CCDC88C: variants seen among roughly 807,000 people sequenced by gnomAD.
The protein encoded by CCDC88C is protein Daple.
In CCDC88C, 131 loss-of-function variants were observed where a neutral mutation model predicts 198.8. That is an observed-to-expected ratio of 0.66 (90% confidence interval 0.57 to 0.76). The LOEUF (loss-of-function observed/expected upper bound fraction) is 0.76. CCDC88C is among the 30% of genes least tolerant of loss of function. CCDC88C has a pLI of 0.00. For missense variants in CCDC88C, 2,553 were observed against 2,631.6 expected, an observed-to-expected ratio of 0.97 and a Z score of 0.65; for synonymous variants, 1,166 against 1,114.7, an observed-to-expected ratio of 1.05 and a Z score of -0.92.
chr14:91,307,320 T>TCCACACTCC, intron 17 of CCDC88C, 94 bp from the exon 18 acceptor site: 1 of 1,081,384 alleles, frequency 9.2e-7, no homozygotes, highest in East Asian at 2.4e-5. Flanking sequence ...CACCACACCC[T>TCCACACTCC]CCACACTCCC....
chr14:91,272,944 T>C lies in CCDC88C; in HGVS notation c.5768A>G (p.Asn1923Ser), dbSNP rs778361328. 3.5e-5 allele frequency: 55 copies of C among 1,562,108 alleles called. No individual in the cohort carries two copies. In the Admixed American group the frequency reaches 1.0e-3, roughly 29 times the overall value. Residue 1923 changes from asparagine to serine, a missense_variant, in exon 30 of 30, where the codon AAC (asparagine) becomes AGC (serine). By Grantham distance (46) the Asn-to-Ser change is conservative. Around this residue, in one of 2 missense-constraint regions of CCDC88C, gnomAD observed 1,293 missense variants for 1,219.6 expected, o/e 1.06. Coordinates refer to ENST00000389857, the MANE Select transcript of CCDC88C (RefSeq NM_001080414.4). ...AGAAAAGSGS[N>S]SQLLHFSPAA... Reference sequence around the variant, plus strand: ...AGGTGAGAAGTGCAGGAGCTGGGAGTTGCTGCCACTGCCAGCAGCAGCAGC... The same window carrying C: ...AGGTGAGAAGTGCAGGAGCTGGGAGCTGCTGCCACTGCCAGCAGCAGCAGC...
chr14:91,365,039 G>A (rs1894469298), intron 3 of CCDC88C, among the ~76,000 whole-genome samples: 1 of 152,090 alleles, frequency 6.6e-6, no homozygotes, highest in African/African-American at 2.4e-5. Flanking sequence ...TGGGTGGTGG[G>A]GCCACTGCAA....
At chr14:91,332,855 A>G (rs553034636) in intron 10 of CCDC88C, among the ~76,000 whole-genome samples, 22 of 152,268 alleles carry the variant, frequency 1.4e-4, no homozygotes, top group Non-Finnish European at 2.8e-4. Flanking sequence ...GGCTCTGTGT[A>G]CAAGCAGTCA....
chr14:91,356,051 C>T (rs1392646778), intron 4 of CCDC88C, among the ~76,000 whole-genome samples: 4 of 152,226 alleles, frequency 2.6e-5, no homozygotes, highest in Admixed American at 6.5e-5. Context: ...AAAGCACACA[C>T]ATGCCCCACC....
rs771813531 is a variant in CCDC88C, at chr14:91,324,732, G to A, written c.1342+47C>T. On this transcript the variant is annotated intron_variant, in intron 12 of 29. Coordinates refer to ENST00000389857, the MANE Select transcript of CCDC88C (RefSeq NM_001080414.4). ...CCCAGGACTCAGCTCCCTGGAGGCA[G>A]CGGCGGCCACGGCCAGGCTGGCTCC... 5 of 1,600,300 alleles carry A rather than the reference G, an allele frequency of 3.1e-6. No homozygotes were observed. In the Admixed American group the frequency reaches 5.0e-5, roughly 16 times the overall value.
chr14:91,356,337 G>A (rs1332450710), intron 4 of CCDC88C, among the ~76,000 whole-genome samples: 1 of 152,144 alleles, frequency 6.6e-6, no homozygotes, highest in Non-Finnish European at 1.5e-5. Flanking sequence ...CCCTCTGTGT[G>A]CAGCCTGCCG....
At chr14:91,280,504 A>G (rs544068273) in intron 27 of CCDC88C, among the ~76,000 whole-genome samples, 1 of 152,356 alleles carries the variant, frequency 6.6e-6, no homozygotes, top group East Asian at 1.9e-4. Flanking sequence ...AAAAATAAGT[A>G]AATTTCAGTA....
chr14:91,378,793 A>G (rs1349001150), intron 3 of CCDC88C: 1 of 152,246 alleles, frequency 6.6e-6, no homozygotes, highest in Non-Finnish European at 1.5e-5. Context: ...GCCAGAATCC[A>G]CCTACATCAC....
intron 25 of CCDC88C, among the ~76,000 whole-genome samples, chr14:91,286,021 T>C (rs1157599179): frequency 2.0e-5 from 3 of 152,186 alleles, no homozygotes; most frequent in Non-Finnish European, 4.4e-5. Context: ...GGCTCAGTAA[T>C]CATCTGTGCT....
At chr14:91,310,313 T>G (rs1891763021) in intron 15 of CCDC88C, among the ~76,000 whole-genome samples, 1 of 152,128 alleles carries the variant, frequency 6.6e-6, no homozygotes, top group Non-Finnish European at 1.5e-5. Context: ...TATGGCTGAC[T>G]TTTCAACAAA....
At chr14:91,292,345 C>T (rs1461544870) in intron 23 of CCDC88C, among the ~76,000 whole-genome samples, 1 of 151,800 alleles carries the variant, frequency 6.6e-6, no homozygotes, top group Non-Finnish European at 1.5e-5. Flanking sequence ...GGAGTAGACA[C>T]TGTCTAATGC....
chr14:91,283,222 C>G, intron 26 of CCDC88C, 107 bp downstream of exon 26: 1 of 1,159,876 alleles, frequency 8.6e-7, no homozygotes, highest in Non-Finnish European at 1.2e-6. Flanking sequence ...TACTCACCAC[C>G]TCTCAGACTG....
In CCDC88C at chr14:91,339,506, T is replaced by G; in HGVS notation, c.625-44A>C. The G allele has an allele frequency of 7.7e-6, 12 of 1,552,972 alleles. No homozygotes were observed. The highest frequency in any genetic ancestry group is 1.4e-5 in the African/African-American group (1 of 73,912). ...GGGGATGGAGGAGAACAAACGGGGT[T>G]AACCAGCACAACGCCTGAGCTTGAA... is the stretch of plus-strand genomic sequence containing the variant. On this transcript the variant is annotated intron_variant, in intron 7 of 29. Coordinates refer to ENST00000389857, the MANE Select transcript of CCDC88C (RefSeq NM_001080414.4). This position sits in a 1 kb window ranked among gnomAD's most constrained non-coding sequence, Gnocchi z 5.8.
In CCDC88C at chr14:91,288,486, C is replaced by T. The variant is rs1890514563; in HGVS notation, c.4441+619G>A. Among the ~76,000 whole-genome samples, 1 of 152,242 alleles carries T rather than the reference C, an allele frequency of 6.6e-6. No individual in the cohort carries two copies. ...CTGCACAAAGCAGCTTTCTACAAAT[C>T]TGGCACATACGAGGCAGCCCAAAAT... On this transcript the variant is annotated intron_variant, in intron 25 of 29. Transcript: ENST00000389857. The surrounding 1 kb of genome is among the most constrained non-coding windows in gnomAD (Gnocchi z 4.2).
intron 10 of CCDC88C, among the ~76,000 whole-genome samples, chr14:91,331,940 G>C (rs757080330): frequency 6.6e-6 from 1 of 152,004 alleles, no homozygotes; most frequent in Non-Finnish European, 1.5e-5. Context: ...ACTGTGCCCA[G>C]CTAGGTCTCT....
rs1175162660 is a variant in CCDC88C at position 91,274,211 on chromosome 14, G to T, written c.5059-558C>A. Among the ~76,000 whole-genome samples the T allele has an allele frequency of 5.9e-5, 9 of 152,106 alleles. 1 individual carries two copies. Among genetic ancestry groups the T allele is most frequent in the Admixed American group, 5.9e-4 (9 of 15,264 alleles). ...AGAGAGAGGCAGAATGGGGATGGGA[G>T]GGGGTGGGGGACAGAGAGGTACAAA... On this transcript the variant is annotated intron_variant, in intron 29 of 29. Transcript: ENST00000389857.
intron 2 of CCDC88C, among the ~76,000 whole-genome samples, chr14:91,411,175 T>C (rs1436625189): frequency 1.3e-5 from 2 of 152,136 alleles, no homozygotes; most frequent in Non-Finnish European, 2.9e-5. Context: ...AACAAAAGCC[T>C]CAACTACAGT....
intron 22 of CCDC88C, among the ~76,000 whole-genome samples, chr14:91,297,084 G>A (rs563077206): frequency 6.6e-6 from 1 of 152,218 alleles, no homozygotes; most frequent in South Asian, 2.1e-4. Flanking sequence ...CCTGCAAAAG[G>A]TGACGGTCAG....
intron 3 of CCDC88C, among the ~76,000 whole-genome samples, chr14:91,405,284 A>G (rs1039648543): frequency 2.0e-5 from 3 of 152,208 alleles, no homozygotes; most frequent in Admixed American, 2.0e-4. Flanking sequence ...AGGGGCACAG[A>G]GCCATCTCCT....
Sources: gnomAD v4.1 joint callset for allele counts (sites outside exome capture counted in the v4.1 genomes callset) on GRCh38, gnomAD v4.1.1 for gene constraint, gnomAD v4.1.1 regional missense constraint, Gnocchi (gnomAD v3.1) non-coding constraint, MANE v1.5 for transcripts, NCBI Gene and HGNC (gene_info 2026-07-23, HGNC 2026-07-21) for gene names.